The following DHX57 variants were observed in gnomAD, a reference collection of about 807,000 sequenced individuals.
DHX57 encodes DExH-box helicase 57.
Under a neutral mutation model 156.2 loss-of-function variants are expected in DHX57, and 105 were observed. That is an observed-to-expected ratio of 0.67 (90% CI 0.57 to 0.79). DHX57 has a LOEUF of 0.79. Among genes scored for constraint, DHX57 ranks in the 30% least tolerant of loss-of-function variants. The pLI is 0.00. For missense variants in DHX57, 1,847 were observed against 1,661.9 expected, an observed-to-expected ratio of 1.11 and a Z score of -1.94; for synonymous variants, 704 against 595.6, an observed-to-expected ratio of 1.18 and a Z score of -2.65.
At chr2:38,836,842 T>C (rs951695324) in intron 13 of DHX57, among the ~76,000 whole-genome samples, 1 of 145,466 alleles carries the variant, frequency 6.9e-6, no homozygotes, top group African/African-American at 2.6e-5. Flanking sequence ...ACATACAAAA[T>C]GTGGTGTGTG....
rs1314339213 is a variant in DHX57, at chr2:38,855,017, A to G, written c.1905+40T>C. 1.9e-6 allele frequency: 3 copies of G among 1,613,766 alleles called. No individual in the cohort carries two copies. In the African/African-American group the frequency reaches 4.0e-5, roughly 22 times the overall value. On this transcript the variant is annotated intron_variant, in intron 8 of 23. Coordinates refer to ENST00000457308, the MANE Select transcript of DHX57 (RefSeq NM_198963.3). ...CCAAAACTTTTTATACCTAAAAACC[A>G]TAAATTTCTGTTACCAGGAAATAAG...
intron 21 of DHX57, among the ~76,000 whole-genome samples, chr2:38,812,400 C>T (rs1173111039): frequency 6.6e-6 from 1 of 152,118 alleles, no homozygotes; most frequent in Non-Finnish European, 1.5e-5. Flanking sequence ...CAGTATTCTG[C>T]CAAATTGAAA....
intron 6 of DHX57, among the ~76,000 whole-genome samples, chr2:38,857,810 C>T (rs1379624843): frequency 1.3e-5 from 2 of 152,194 alleles, no homozygotes; most frequent in East Asian, 3.8e-4. Flanking sequence ...CGATCTTGGG[C>T]ACATTATTTA....
In DHX57 at chr2:38,848,811, G is replaced by A. The variant is rs117501056; in HGVS notation, c.2031-409C>T. ...TAAAGTTGGTATACATTGAACCATC[G>A]GAGAGCAAAGGTGTCAGGTGTGGAA... is the stretch of plus-strand genomic sequence containing the variant. On this transcript the variant is annotated intron_variant, in intron 9 of 23. Coordinates refer to ENST00000457308, the MANE Select transcript of DHX57 (RefSeq NM_198963.3). Among the ~76,000 whole-genome samples, 18 of 152,176 alleles carry A rather than the reference G, an allele frequency of 1.2e-4. No individual in the cohort carries two copies. The East Asian group carries it at 1.7e-3, about 15-fold the overall frequency.
chr2:38,818,890 C>T lies in DHX57; in HGVS notation c.3458G>A (p.Gly1153Glu), dbSNP rs761785456. Residue 1153 changes from glycine to glutamate, a missense_variant, in exon 19 of 24, where the codon GGA becomes GAA. Gly to Glu is a moderately conservative substitution (Grantham distance 98). Coordinates refer to ENST00000457308, the MANE Select transcript of DHX57 (RefSeq NM_198963.3). ...GACACAACTCACCTGCAGAACTCTT[C>T]CAGACAAGAAGTTTTGTCTGCAGTA... ...YNYCRQNFLS[G>E]RVLQEMASLK... The T allele has an allele frequency of 9.9e-6, 16 of 1,614,156 alleles. 1 individual carries two copies. The South Asian group carries it at 1.5e-4, about 16-fold the overall frequency.
intron 13 of DHX57, among the ~76,000 whole-genome samples, chr2:38,833,000 T>C (rs2124840371): frequency 6.6e-6 from 1 of 151,174 alleles, no homozygotes; most frequent in East Asian, 1.9e-4. Context: ...TTTTTTTTTT[T>C]TTCTGAGACG....
intron 16 of DHX57, among the ~76,000 whole-genome samples, chr2:38,824,725 G>A (rs1671006155): frequency 6.6e-6 from 1 of 152,138 alleles, no homozygotes; most frequent in Admixed American, 6.6e-5. Flanking sequence ...TTGGCTCACT[G>A]CAACCTCCAC....
rs1317662833 is a variant in DHX57, at chr2:38,838,843, T to C, written c.2426-896A>G. 1.3e-5 allele frequency: 6 copies of C among 452,572 alleles called. No homozygotes were observed. In the Admixed American group the frequency reaches 1.4e-4, roughly 11 times the overall value. 28.0% of individuals were successfully genotyped at this position (452,572 alleles called of 1,614,324 possible). A position where few individuals can be genotyped will look rare whatever the true frequency, so the allele number is the denominator to read the frequency against. ...AGTCTACTCATAGACCCTCACAATC[T>C]CCCCACTCACAATCTCCTAATCTAT... On this transcript the variant is annotated intron_variant, in intron 12 of 23. Transcript: ENST00000457308.
intron 17 of DHX57, among the ~76,000 whole-genome samples, chr2:38,822,340 C>A (rs1171970151): frequency 2.0e-5 from 3 of 152,094 alleles, no homozygotes; most frequent in Admixed American, 1.3e-4. Flanking sequence ...CTCGGCCTCC[C>A]AAAGAGCTGG....
intron 23 of DHX57, among the ~76,000 whole-genome samples, chr2:38,800,999 T>C (rs1193764913): frequency 5.3e-5 from 8 of 152,218 alleles, no homozygotes; most frequent in Non-Finnish European, 1.0e-4. Flanking sequence ...TAAAACATTT[T>C]GGATGTATTA....
At chr2:38,849,740 C>T (rs936491172) in intron 9 of DHX57, among the ~76,000 whole-genome samples, 5 of 152,116 alleles carry the variant, frequency 3.3e-5, no homozygotes, top group Non-Finnish European at 5.9e-5. Context: ...AGGCATGCAC[C>T]TTGGGTCTTT....
At chr2:38,802,952 AC>A in intron 22 of DHX57, 37 bp from the exon 23 acceptor site, 1 of 1,611,534 alleles carries the variant, frequency 6.2e-7, no homozygotes, top group Non-Finnish European at 8.5e-7. Flanking sequence ...CAGTGATGTC[AC>A]TGGCAACAAA....
chr2:38,870,152 T>C (rs1665285423), intron 1 of DHX57, among the ~76,000 whole-genome samples: 1 of 152,052 alleles, frequency 6.6e-6, no homozygotes, highest in Non-Finnish European at 1.5e-5. Flanking sequence ...CTGACATTGA[T>C]TATGCAAGCT....
At chr2:38,867,398 T>C (rs143598831) in intron 2 of DHX57, among the ~76,000 whole-genome samples, 94 of 152,366 alleles carry the variant, frequency 6.2e-4, no homozygotes, top group Non-Finnish European at 1.1e-3. Flanking sequence ...AGAATTCCCA[T>C]AATTTATTCA....
chr2:38,832,731 T>G (rs891632021), intron 13 of DHX57, among the ~76,000 whole-genome samples: 1 of 151,400 alleles, frequency 6.6e-6, no homozygotes, highest in Non-Finnish European at 1.5e-5. Context: ...AGAGATGGGG[T>G]TTTGCCATGT....
At position 38,798,372 on chromosome 2, in the gene DHX57, C is replaced by T; in HGVS notation, c.4088G>A (p.Ser1363Asn). The stretch of plus-strand genomic sequence containing the variant: ...TCGAGGACACGTACACAGATCAATG[C>T]TTGGGTTTTTAATTTTATCCTGGAG... ...QLLQDKIKNP[S>N]IDLCTCPRGS... Residue 1363 changes from serine (S) to asparagine (N), a missense_variant, in exon 24 of 24, where the codon AGC (serine) becomes AAC (asparagine). Transcript: ENST00000457308. The T allele has an allele frequency of 6.2e-7, 1 of 1,614,076 alleles. No individual in the cohort carries two copies. The highest frequency in any genetic ancestry group is 1.7e-5 in the Admixed American group (1 of 59,966).
chr2:38,828,557 G>A (rs1343412145), intron 13 of DHX57, 121 bp from the exon 14 acceptor site: 2 of 670,056 alleles, frequency 3.0e-6, no homozygotes, highest in Non-Finnish European at 4.7e-6. Context: ...AGATTATAAA[G>A]CTGTTTTTAA....
At chr2:38,830,178 T>A (rs1054764423) in intron 13 of DHX57, among the ~76,000 whole-genome samples, 1 of 152,224 alleles carries the variant, frequency 6.6e-6, no homozygotes, top group Non-Finnish European at 1.5e-5. Context: ...GTCATAGTTA[T>A]CCTTCCCACT....
chr2:38,811,657 C>T lies in DHX57; in HGVS notation c.3681+2164G>A, dbSNP rs146261464. On this transcript the variant is annotated intron_variant, in intron 21 of 23. Coordinates refer to ENST00000457308, the MANE Select transcript of DHX57 (RefSeq NM_198963.3). ...ACCATGGAGCCTTTGCTGAACATAGCATCTGGGATTGGAGGTGCAATTCCT... is the reference window on the plus strand; with the variant it reads ...ACCATGGAGCCTTTGCTGAACATAGTATCTGGGATTGGAGGTGCAATTCCT... 2.8e-4 allele frequency: 343 copies of T among 1,232,658 alleles called. 4 individuals carry two copies. Among genetic ancestry groups the T allele is most frequent in the East Asian group, 2.3e-3 (95 of 41,310 alleles). The allele number at this position is 1,232,658 out of a possible 1,614,324, so 76.4% of individuals were successfully genotyped here. A position where few individuals can be genotyped will look rare whatever the true frequency, so the allele number is the denominator to read the frequency against.
Sources: gnomAD v4.1 joint callset for allele counts (sites outside exome capture counted in the v4.1 genomes callset) on GRCh38, gnomAD v4.1.1 for gene constraint, MANE v1.5 for transcripts, NCBI Gene and HGNC (gene_info 2026-07-23, HGNC 2026-07-21) for gene names.